MYO1D: variants seen among roughly 807,000 people sequenced by gnomAD.
MYO1D encodes the protein myosin ID.
A neutral mutation model predicts 122.0 loss-of-function variants in MYO1D; 83 were observed. The ratio of observed to expected loss-of-function variants is 0.68; its 90% CI spans 0.57 to 0.82. The LOEUF (loss-of-function observed/expected upper bound fraction) is 0.82, where lower values mean the gene tolerates loss of function less well. Ranked by LOEUF, MYO1D falls within the 40% of genes least tolerant of loss-of-function variation. The probability of loss-of-function intolerance (pLI) is 0.00; values close to 1 mark genes in which losing one functional copy is unlikely to be tolerated. For missense variants in MYO1D, 1,157 were observed against 1,269.5 expected, an observed-to-expected ratio of 0.91 and a Z score of 1.35; for synonymous variants, 464 against 446.9, an observed-to-expected ratio of 1.04 and a Z score of -0.48.
intron 1 of MYO1D, among the ~76,000 whole-genome samples, chr17:32,823,802 T>A (rs2090696578): frequency 6.6e-6 from 1 of 152,064 alleles, no homozygotes; most frequent in East Asian, 1.9e-4. Context: ...GTACGGTGGC[T>A]CATGCCTGTA....
chr17:32,699,878 T>A (rs1214461223), intron 16 of MYO1D, among the ~76,000 whole-genome samples: 1 of 152,098 alleles, frequency 6.6e-6, no homozygotes, highest in African/African-American at 2.4e-5. Context: ...CACATTATAC[T>A]CACAAAAAAT....
chr17:32,545,075 C>A (rs1422118828), intron 21 of MYO1D, among the ~76,000 whole-genome samples: 2 of 152,144 alleles, frequency 1.3e-5, no homozygotes, highest in East Asian at 3.9e-4. Context: ...CTTCCCCTTA[C>A]AAGGTCTTTG....
intron 16 of MYO1D, among the ~76,000 whole-genome samples, chr17:32,671,278 C>T (rs544794041): frequency 3.5e-4 from 54 of 152,298 alleles, no homozygotes; most frequent in African/African-American, 1.1e-3. Context: ...GTGCTTGGAG[C>T]GGCCAGCCAG....
chr17:32,874,689 A>G (rs745417716), intron 1 of MYO1D, among the ~76,000 whole-genome samples: 9 of 152,146 alleles, frequency 5.9e-5, no homozygotes, highest in Non-Finnish European at 1.3e-4. Context: ...TTGGGAGGCC[A>G]AGATGGGAGG....
At chr17:32,792,434 T>C (rs1013852460) in intron 1 of MYO1D, 2 of 152,194 alleles carry the variant, frequency 1.3e-5, no homozygotes, top group East Asian at 1.9e-4. Context: ...GCAATGTTCA[T>C]TAGGTTACTT....
At chr17:32,505,941 G>A (rs891028899) in intron 21 of MYO1D, among the ~76,000 whole-genome samples, 1 of 152,220 alleles carries the variant, frequency 6.6e-6, no homozygotes, top group Non-Finnish European at 1.5e-5. Flanking sequence ...CAGACAGGCT[G>A]GACGAGGTCG....
At chr17:32,726,694 AACATC>A (rs776574840) in intron 14 of MYO1D, among the ~76,000 whole-genome samples, 12 of 149,288 alleles carry the variant, frequency 8.0e-5, no homozygotes, top group Non-Finnish European at 1.6e-4. Flanking sequence ...ATATAGATAT[AACATC>A]TATATCTAAT....
At chr17:32,661,614 C>T (rs1567935848) in intron 16 of MYO1D, among the ~76,000 whole-genome samples, 2 of 151,662 alleles carry the variant, frequency 1.3e-5, no homozygotes, top group Non-Finnish European at 1.5e-5. Flanking sequence ...AAGATTGCAC[C>T]ACTGTACTCC....
chr17:32,588,297 T>C (rs975248407), intron 21 of MYO1D, among the ~76,000 whole-genome samples: 1 of 152,238 alleles, frequency 6.6e-6, no homozygotes, highest in Non-Finnish European at 1.5e-5. Flanking sequence ...CACTGCTATC[T>C]GGGAGGAATC....
chr17:32,542,304 C>A (rs1409909804), intron 21 of MYO1D, among the ~76,000 whole-genome samples: 1 of 152,138 alleles, frequency 6.6e-6, no homozygotes, highest in Non-Finnish European at 1.5e-5. Flanking sequence ...GACTGAAGAA[C>A]CTCTCTGTTT....
At chr17:32,814,290 G>C (rs2090596099) in intron 1 of MYO1D, among the ~76,000 whole-genome samples, 1 of 152,224 alleles carries the variant, frequency 6.6e-6, no homozygotes, top group Non-Finnish European at 1.5e-5. Context: ...GTTGCAGTGA[G>C]CTGAGATCCC....
intron 16 of MYO1D, among the ~76,000 whole-genome samples, chr17:32,691,361 T>C (rs567095338): frequency 9.9e-5 from 15 of 151,956 alleles, no homozygotes; most frequent in Non-Finnish European, 1.9e-4. Context: ...TTTAAGAGTC[T>C]TCATTATTTC....
chr17:32,771,566 C>G (rs2090113099), intron 5 of MYO1D, among the ~76,000 whole-genome samples: 1 of 152,134 alleles, frequency 6.6e-6, no homozygotes, highest in South Asian at 2.1e-4. Flanking sequence ...TCACTATAGA[C>G]AGGATATAGT....
rs536378926 is a variant in MYO1D, at chr17:32,519,524, G to A, written c.2865-24609C>T. Among the ~76,000 whole-genome samples, 381 of 152,048 alleles carry A rather than the reference G, an allele frequency of 2.5e-3. 7 individuals carry two copies. The highest frequency in any genetic ancestry group is 0.02 in the Admixed American group (310 of 15,276). Reference sequence around the variant, plus strand: ...CTTCGAGCGCGACGCGGTCGCCAAGGCAACGCCGGCCCCAGCGCCCGCGGC... The same window carrying A: ...CTTCGAGCGCGACGCGGTCGCCAAGACAACGCCGGCCCCAGCGCCCGCGGC... On this transcript the variant is annotated intron_variant, in intron 21 of 21. Transcript: ENST00000318217.
At chr17:32,698,779 G>A (rs1020020230) in intron 16 of MYO1D, among the ~76,000 whole-genome samples, 1 of 151,892 alleles carries the variant, frequency 6.6e-6, no homozygotes, top group African/African-American at 2.4e-5. Flanking sequence ...GCTTTAATGA[G>A]CCACTTTTAA....
intron 16 of MYO1D, among the ~76,000 whole-genome samples, chr17:32,700,321 T>C (rs1431865772): frequency 2.0e-5 from 3 of 152,098 alleles, no homozygotes; most frequent in African/African-American, 7.2e-5. Context: ...CACAACAGGG[T>C]TCCTGCTCCT....
At chr17:32,853,804 T>A (rs1218342562) in intron 1 of MYO1D, among the ~76,000 whole-genome samples, 1 of 152,210 alleles carries the variant, frequency 6.6e-6, no homozygotes, top group East Asian at 1.9e-4. Flanking sequence ...AGAATCAATA[T>A]ATGCAAGATG....
intron 11 of MYO1D, among the ~76,000 whole-genome samples, chr17:32,752,360 TGGCCTA>T: frequency 6.6e-6 from 1 of 152,268 alleles, no homozygotes; most frequent in East Asian, 1.9e-4. Context: ...TTCTGGACAT[TGGCCTA>T]GGCAAAGAAT....
chr17:32,732,910 A>C (rs906084343), intron 14 of MYO1D, among the ~76,000 whole-genome samples: 1 of 152,192 alleles, frequency 6.6e-6, no homozygotes, highest in Non-Finnish European at 1.5e-5. Context: ...GGTATTTCCA[A>C]GCTTCTGGGC....
Sources: allele counts gnomAD v4.1 joint callset (sites outside exome capture counted in the v4.1 genomes callset), GRCh38; gene constraint gnomAD v4.1.1; transcripts MANE v1.5; gene names NCBI Gene and HGNC (gene_info 2026-07-23, HGNC 2026-07-21).